The following TMEM116 variants were observed in gnomAD, a reference collection of about 807,000 sequenced individuals.
TMEM116 encodes transmembrane protein 116.
Under a neutral mutation model 44.3 loss-of-function variants are expected in TMEM116, and 38 were observed. The ratio of observed to expected loss-of-function variants is 0.86; its 90% CI spans 0.66 to 1.12. The LOEUF is 1.12. TMEM116 is among the 50% of genes most tolerant of loss of function. The probability of loss-of-function intolerance (pLI) is 0.00; values close to 1 mark genes in which losing one functional copy is unlikely to be tolerated. For synonymous variants in TMEM116, 132 were observed against 144.8 expected, an observed-to-expected ratio of 0.91 and a Z score of 0.64; for missense variants, 354 against 401.7, an observed-to-expected ratio of 0.88 and a Z score of 1.01.
At chr12:111,988,255 G>A (rs1476889597) in intron 4 of TMEM116, among the ~76,000 whole-genome samples, 7 of 152,170 alleles carry the variant, frequency 4.6e-5, no homozygotes, top group Admixed American at 3.9e-4. Context: ...GGTTATAGTT[G>A]TATAACAAGG....
chr12:111,965,388 C>T (rs2136418206), intron 4 of TMEM116, among the ~76,000 whole-genome samples: 1 of 152,190 alleles, frequency 6.6e-6, no homozygotes, highest in African/African-American at 2.4e-5. Flanking sequence ...AAAAATCATC[C>T]ATTTATAAGG....
intron 4 of TMEM116, among the ~76,000 whole-genome samples, chr12:111,980,341 C>G (rs1375600034): frequency 6.6e-6 from 1 of 151,974 alleles, no homozygotes; most frequent in Non-Finnish European, 1.5e-5. Context: ...TGTATGATTC[C>G]CATTATATGA....
At chr12:111,954,082 A>AT (rs543563985) in intron 4 of TMEM116, among the ~76,000 whole-genome samples, 1 of 152,176 alleles carries the variant, frequency 6.6e-6, no homozygotes, top group Non-Finnish European at 1.5e-5. Flanking sequence ...GAAAAAATCT[A>AT]TTTTTTGCTA....
intron 4 of TMEM116, among the ~76,000 whole-genome samples, chr12:111,987,990 C>T (rs1005315718): frequency 1.3e-5 from 2 of 152,186 alleles, no homozygotes; most frequent in Non-Finnish European, 2.9e-5. Context: ...GAATATTACT[C>T]AGCCTTAAAA....
intron 4 of TMEM116, among the ~76,000 whole-genome samples, chr12:111,977,173 T>C (rs2075712894): frequency 6.6e-6 from 1 of 152,098 alleles, no homozygotes; most frequent in Admixed American, 6.5e-5. Flanking sequence ...AAATATCATA[T>C]TCAAACTGCA....
chr12:112,005,491 T>C (rs2077527020), intron 1 of TMEM116, 188 bp from the exon 2 acceptor site: 1 of 479,990 alleles, frequency 2.1e-6, no homozygotes, highest in African/African-American at 2.0e-5. Context: ...CCTTTTTTCC[T>C]CTCTTATTTC....
rs760067944 is a variant in TMEM116, at chr12:111,932,660, C to T, written c.734-1G>A. On this transcript the variant is annotated splice_acceptor_variant, in intron 9 of 10. Coordinates refer to ENST00000552374, the MANE Select transcript of TMEM116 (RefSeq NM_001193531.2). LOFTEE classifies it high-confidence loss of function. ...AGCTTTATGATCATTAGAATGACAG[C>T]TGTGAATACACAAAGTGTAAACCTT... 1 of 1,613,728 alleles carries T rather than the reference C, an allele frequency of 6.2e-7. No individual in the cohort carries two copies. Among genetic ancestry groups the T allele is most frequent in the South Asian group, 1.1e-5 (1 of 91,074 alleles).
chr12:111,979,533 G>C (rs2075839070), intron 4 of TMEM116, among the ~76,000 whole-genome samples: 1 of 152,060 alleles, frequency 6.6e-6, no homozygotes, highest in East Asian at 1.9e-4. Context: ...AAATGTTTTG[G>C]AACTACATAA....
chr12:111,954,647 G>A (rs745666768), intron 4 of TMEM116, among the ~76,000 whole-genome samples: 22 of 152,302 alleles, frequency 1.4e-4, no homozygotes, highest in Non-Finnish European at 1.9e-4. Flanking sequence ...ACCCAGGTCC[G>A]ATCGACTGCA....
At chr12:111,935,723 C>T (rs906305251) in intron 8 of TMEM116, 3 of 151,264 alleles carry the variant, frequency 2.0e-5, no homozygotes, top group African/African-American at 7.3e-5. Flanking sequence ...TTACTGTGAC[C>T]TCTGTCTCCT....
chr12:111,936,121 G>C (rs994427713), intron 8 of TMEM116: 1 of 152,016 alleles, frequency 6.6e-6, no homozygotes, highest in Non-Finnish European at 1.5e-5. Context: ...AAATACAAAG[G>C]CATATTTGCT....
chr12:112,000,908 T>C, intron 3 of TMEM116: 1 of 416,402 alleles, frequency 2.4e-6, no homozygotes, highest in East Asian at 6.5e-5. Context: ...TCTTGAGGAA[T>C]TTCTCTTTGT....
intron 1 of TMEM116, chr12:112,011,695 C>A (rs1355487011): frequency 6.6e-6 from 1 of 152,192 alleles, no homozygotes; most frequent in Non-Finnish European, 1.5e-5. Context: ...TTCCTTCATT[C>A]CTGAGTAATG....
intron 4 of TMEM116, among the ~76,000 whole-genome samples, chr12:111,965,095 C>A (rs755226996): frequency 7.2e-5 from 11 of 152,152 alleles, no homozygotes; most frequent in Non-Finnish European, 1.5e-5. Flanking sequence ...AATCAGGTGA[C>A]TGGTTTTCTT....
At chr12:111,955,383 G>A (rs1372923756) in intron 4 of TMEM116, among the ~76,000 whole-genome samples, 1 of 152,156 alleles carries the variant, frequency 6.6e-6, no homozygotes, top group Non-Finnish European at 1.5e-5. Flanking sequence ...CCTCTCAGAT[G>A]CTTTTGGAGA....
chr12:111,960,290 C>A (rs1269888221), intron 4 of TMEM116, among the ~76,000 whole-genome samples: 3 of 151,558 alleles, frequency 2.0e-5, no homozygotes, highest in African/African-American at 7.3e-5. Context: ...GAGATCGAGA[C>A]CACCCTGGCT....
chr12:111,931,444 A>T lies in TMEM116; in HGVS notation c.*177T>A. The stretch of plus-strand genomic sequence containing the variant: ...AAGGATCACTAGTGAATCTGGGAAT[A>T]ACTGGAGAGATACTCCCAATTCATC... On this transcript the variant is annotated 3_prime_UTR_variant, in exon 11 of 11. Transcript: ENST00000552374. 1.6e-6 allele frequency: 1 copy of T among 626,706 alleles called. No homozygotes were observed. Among genetic ancestry groups the T allele is most frequent in the East Asian group, 2.8e-5 (1 of 35,562 alleles). 38.8% of individuals were successfully genotyped at this position (626,706 alleles called of 1,614,324 possible). A position where few individuals can be genotyped will look rare whatever the true frequency, so the allele number is the denominator to read the frequency against.
Position 111,943,267 on chromosome 12 carries a change from G to A in TMEM116, c.313C>T (p.Leu105=), listed in dbSNP as rs140554856. ...TATCAGCCCTGAATAAAACTTACCA[G>A]TGGAGATGTGCTCTGTCCACTCTGG... ...HTQSGQSTSP[L]VIDYTCRVCQ... is the part of the protein sequence containing the mutation. The change falls in exon 5 of 11, where the codon CTG becomes TTG. Residue 105 remains leucine, a splice_region_variant and synonymous_variant. Transcript: ENST00000552374. 89 of 1,611,366 alleles carry A rather than the reference G, an allele frequency of 5.5e-5. 1 individual carries two copies. The African/African-American group carries it at 1.1e-3, about 20-fold the overall frequency.
chr12:112,011,518 C>T (rs1467367788), intron 1 of TMEM116: 1 of 152,204 alleles, frequency 6.6e-6, no homozygotes, highest in Non-Finnish European at 1.5e-5. Context: ...CTCTTACATG[C>T]ATTTGTTCAT....
Sources: gnomAD v4.1 joint callset for allele counts (sites outside exome capture counted in the v4.1 genomes callset) on GRCh38, gnomAD v4.1.1 for gene constraint, MANE v1.5 for transcripts, NCBI Gene and HGNC (gene_info 2026-07-23, HGNC 2026-07-21) for gene names.